ZSCAN25: variants seen among roughly 807,000 people sequenced by gnomAD.
The protein encoded by ZSCAN25 is zinc finger and SCAN domain containing 25, also known as zinc finger and SCAN domain-containing protein 25.
Under a neutral mutation model 38.7 loss-of-function variants are expected in ZSCAN25, and 27 were observed. The ratio of observed to expected loss-of-function variants is 0.70; its 90% CI spans 0.51 to 0.96. The LOEUF (loss-of-function observed/expected upper bound fraction) is 0.96. ZSCAN25 is among the 40% of genes least tolerant of loss of function. The pLI is 0.00. For synonymous variants in ZSCAN25, 273 were observed against 277.7 expected (o/e 0.98, Z 0.17); for missense variants, 637 against 705.9 (o/e 0.90, Z 1.11).
chr7:99,733,354 T>A, the ZSCAN25 span, among the ~76,000 whole-genome samples: 1 of 152,222 alleles, frequency 6.6e-6, no homozygotes, highest in Non-Finnish European at 1.5e-5. Flanking sequence ...AGGCAGAGGC[T>A]GTGCTTGGCA....
chr7:99,682,340 T>C, the ZSCAN25 span, among the ~76,000 whole-genome samples: 1 of 152,248 alleles, frequency 6.6e-6, no homozygotes, highest in South Asian at 2.1e-4. Context: ...AGTTTCATTA[T>C]TCTGCATGTT....
the ZSCAN25 span, chr7:99,717,570 G>T: frequency 3.7e-6 from 6 of 1,613,632 alleles, no homozygotes; most frequent in Non-Finnish European, 5.1e-6. Context: ...AGCAATGATC[G>T]TATTCTCTTC....
downstream of ZSCAN25, among the ~76,000 whole-genome samples, chr7:99,635,732 C>T (rs1330822750): frequency 4.6e-5 from 7 of 152,206 alleles, no homozygotes; most frequent in Non-Finnish European, 1.0e-4. Context: ...TCTGTCTTCA[C>T]AAGTTAGAAA....
At chr7:99,705,325 C>G in the ZSCAN25 span, 3 of 694,964 alleles carry the variant, frequency 4.3e-6, no homozygotes, top group Non-Finnish European at 7.0e-6. Flanking sequence ...CCAAGTATAA[C>G]ACTCTATACA....
chr7:99,656,718 T>C, the ZSCAN25 span, among the ~76,000 whole-genome samples: 1 of 152,234 alleles, frequency 6.6e-6, no homozygotes, highest in South Asian at 2.1e-4. Context: ...TCCTGGACTT[T>C]TTTTGGTTGG....
At chr7:99,727,223 C>T in the ZSCAN25 span, among the ~76,000 whole-genome samples, 4 of 152,310 alleles carry the variant, frequency 2.6e-5, no homozygotes, top group South Asian at 8.3e-4. Context: ...TGGGACCGTG[C>T]TCTGTAGCCT....
the ZSCAN25 span, among the ~76,000 whole-genome samples, chr7:99,666,076 C>T: frequency 6.6e-6 from 1 of 151,726 alleles, no homozygotes; most frequent in African/African-American, 2.4e-5. Context: ...AATAGGCTTG[C>T]TCTACACATA....
At chr7:99,647,429 A>G in the ZSCAN25 span, 1 of 898,140 alleles carries the variant, frequency 1.1e-6, no homozygotes, top group Non-Finnish European at 1.3e-6. Flanking sequence ...GCTTTTAGAC[A>G]TGCTGCCCAA....
the ZSCAN25 span, chr7:99,695,915 G>A: frequency 2.4e-6 from 3 of 1,261,144 alleles, no homozygotes; most frequent in African/African-American, 1.5e-5. Flanking sequence ...CACTGACTGA[G>A]GAACTGGAAT....
At chr7:99,695,036 T>A in the ZSCAN25 span, among the ~76,000 whole-genome samples, 1 of 152,062 alleles carries the variant, frequency 6.6e-6, no homozygotes, top group Non-Finnish European at 1.5e-5. Flanking sequence ...GTTTGATAGA[T>A]AACCACTATC....
the ZSCAN25 span, among the ~76,000 whole-genome samples, chr7:99,704,829 G>T: frequency 6.6e-6 from 1 of 152,038 alleles, no homozygotes; most frequent in African/African-American, 2.4e-5. Context: ...GGGCGTGGTG[G>T]CAGGCACCTG....
In ZSCAN25 at chr7:99,631,245, G is replaced by C. The variant is rs1807978024; in HGVS notation, c.*1225G>C. 7.1e-6 allele frequency: 7 copies of C among 985,226 alleles called. No individual in the cohort carries two copies. Among genetic ancestry groups the C allele is most frequent in the Non-Finnish European group, 8.4e-6 (7 of 829,944 alleles). 61.0% of individuals were successfully genotyped at this position (985,226 alleles called of 1,614,324 possible). A position where few individuals can be genotyped will look rare whatever the true frequency, so the allele number is the denominator to read the frequency against. On this transcript the variant is annotated 3_prime_UTR_variant, in exon 8 of 8. Coordinates refer to ENST00000394152, the MANE Select transcript of ZSCAN25 (RefSeq NM_145115.3). ...AATGGTCTCTGCCCTCCAGACCCTT[G>C]TCATCCAAGGCACTAGGGGTCCTGG...
chr7:99,655,331 A>G, the ZSCAN25 span, among the ~76,000 whole-genome samples: 1 of 152,236 alleles, frequency 6.6e-6, no homozygotes. Flanking sequence ...TTTATTAAAT[A>G]GGGAATCCTT....
At chr7:99,638,670 C>G in the ZSCAN25 span, 3 of 1,552,128 alleles carry the variant, frequency 1.9e-6, no homozygotes, top group East Asian at 2.3e-5. Context: ...CCAGCTTCAA[C>G]ATTTACAGGA....
At chr7:99,624,883 T>C (rs1013236327) in intron 7 of ZSCAN25, among the ~76,000 whole-genome samples, 2 of 152,184 alleles carry the variant, frequency 1.3e-5, no homozygotes, top group Non-Finnish European at 2.9e-5. Flanking sequence ...AGAGTCTGCA[T>C]GCGTGGAATC....
At chr7:99,699,944 G>A in the ZSCAN25 span, 3 of 1,534,864 alleles carry the variant, frequency 2.0e-6, no homozygotes, top group Non-Finnish European at 2.7e-6. Context: ...CAGAGGAGAG[G>A]AATCTGGACA....
At chr7:99,730,801 C>G in the ZSCAN25 span, 1 of 455,454 alleles carries the variant, frequency 2.2e-6, no homozygotes, top group African/African-American at 2.0e-5. Context: ...CTCACAAAGT[C>G]TGCACATCAA....
chr7:99,655,748 A>G, the ZSCAN25 span, among the ~76,000 whole-genome samples: 20 of 152,108 alleles, frequency 1.3e-4, no homozygotes, highest in South Asian at 2.1e-3. Flanking sequence ...ATCTTCTTTT[A>G]TTTCATTGAG....
the ZSCAN25 span, among the ~76,000 whole-genome samples, chr7:99,680,278 A>C: frequency 1.3e-5 from 2 of 151,882 alleles, no homozygotes; most frequent in Non-Finnish European, 2.9e-5. Flanking sequence ...ATCCATCCTC[A>C]CAAGCCACAC....
Sources: allele counts gnomAD v4.1 joint callset (sites outside exome capture counted in the v4.1 genomes callset), GRCh38; gene constraint gnomAD v4.1.1; transcripts MANE v1.5; gene names NCBI Gene and HGNC (gene_info 2026-07-23, HGNC 2026-07-21).